The following IGSF21 variants were observed in gnomAD, a reference collection of about 807,000 sequenced individuals.
IGSF21 encodes the protein immunoglobin superfamily member 21.
In IGSF21, 28 loss-of-function variants were observed where a neutral mutation model predicts 46.8. The ratio of observed to expected loss-of-function variants is 0.60; its 90% CI spans 0.44 to 0.82. The LOEUF (loss-of-function observed/expected upper bound fraction) is 0.82, where lower values mean the gene tolerates loss of function less well. Ranked by LOEUF, IGSF21 falls within the 40% of genes least tolerant of loss-of-function variation. The pLI is 0.00. For missense variants in IGSF21, 624 were observed against 665.5 expected, an observed-to-expected ratio of 0.94 and a Z score of 0.69; for synonymous variants, 284 against 273.6, an observed-to-expected ratio of 1.04 and a Z score of -0.38.
chr1:18,116,144 C>G (rs1199634341), intron 1 of IGSF21, among the ~76,000 whole-genome samples: 2 of 152,146 alleles, frequency 1.3e-5, no homozygotes, highest in African/African-American at 4.8e-5. Context: ...ACATCTCTTC[C>G]CAAATCTGAG....
At chr1:18,225,081 T>TCACACACACA (rs1254329422) in intron 1 of IGSF21, among the ~76,000 whole-genome samples, 1 of 31,136 alleles carries the variant, frequency 3.2e-5, no homozygotes, top group African/African-American at 5.8e-5. Flanking sequence ...TCTCTCTCTC[T>TCACACACACA]CTCTCACACA....
At chr1:18,186,648 C>A (rs116741914) in intron 1 of IGSF21, among the ~76,000 whole-genome samples, 1 of 152,166 alleles carries the variant, frequency 6.6e-6, no homozygotes, top group Non-Finnish European at 1.5e-5. Flanking sequence ...CTCATCTGAT[C>A]GTCCCCCAAT....
intron 5 of IGSF21, among the ~76,000 whole-genome samples, chr1:18,364,780 G>T (rs548961823): frequency 2.0e-5 from 3 of 151,884 alleles, no homozygotes; most frequent in Admixed American, 2.0e-4. Context: ...CTTCATCCCC[G>T]GTGCCTTCCA....
At chr1:18,166,488 T>G (rs1194404140) in intron 1 of IGSF21, among the ~76,000 whole-genome samples, 1 of 152,164 alleles carries the variant, frequency 6.6e-6, no homozygotes, top group East Asian at 1.9e-4. Context: ...GAGTCTCTTT[T>G]CTATAAACGA....
intron 1 of IGSF21, among the ~76,000 whole-genome samples, chr1:18,122,193 C>CTTTTTTTTTTTTTTTTTTTTTTT (rs766563472): frequency 1.4e-4 from 11 of 78,758 alleles, no homozygotes; most frequent in East Asian, 9.0e-4. Flanking sequence ...TTCTTTCTTT[C>CTTTTTTTTTTTTTTTTTTTTTTT]TTTTTTTTTT....
chr1:18,161,953 C>T (rs1057331010), intron 1 of IGSF21, among the ~76,000 whole-genome samples: 5 of 152,094 alleles, frequency 3.3e-5, no homozygotes, highest in African/African-American at 1.2e-4. Context: ...ATCATCATAC[C>T]CTTCCTATAG....
intron 2 of IGSF21, among the ~76,000 whole-genome samples, chr1:18,264,273 T>A (rs931342887): frequency 6.6e-6 from 1 of 152,218 alleles, no homozygotes; most frequent in Non-Finnish European, 1.5e-5. Flanking sequence ...CATGCATTTA[T>A]GAACCACTTT....
chr1:18,114,584 A>G (rs12409641), intron 1 of IGSF21: 4 of 152,212 alleles, frequency 2.6e-5, no homozygotes, highest in African/African-American at 9.6e-5. Flanking sequence ...GCAGTTTCTC[A>G]GATAAAGTAG....
In IGSF21 at chr1:18,208,689, G is replaced by A. The variant is rs2084360052; in HGVS notation, c.71-19209G>A. 1.3e-5 allele frequency among the ~76,000 whole-genome samples: 2 copies of A among 151,074 alleles called. 1 individual carries two copies. Among genetic ancestry groups the A allele is most frequent in the Admixed American group, 1.3e-4 (2 of 15,096 alleles). On this transcript the variant is annotated intron_variant, in intron 1 of 9. Transcript: ENST00000251296. ...TGGGATTACAGGCATGAGCCACCGT[G>A]CCCGGCCCAGTCTAGGAATAATATC... is the stretch of plus-strand genomic sequence containing the variant.
chr1:18,203,475 G>A (rs1263869395), intron 1 of IGSF21, among the ~76,000 whole-genome samples: 2 of 152,120 alleles, frequency 1.3e-5, no homozygotes, highest in African/African-American at 4.8e-5. Flanking sequence ...CACCTGGCTA[G>A]GTTTTGTATT....
At chr1:18,142,761 A>C (rs1306583636) in intron 1 of IGSF21, among the ~76,000 whole-genome samples, 4 of 152,198 alleles carry the variant, frequency 2.6e-5, no homozygotes, top group Non-Finnish European at 1.5e-5. Context: ...CTTCCCCCAG[A>C]TGGGTCAGTT....
At chr1:18,271,273 A>T (rs1262126572) in intron 2 of IGSF21, among the ~76,000 whole-genome samples, 1 of 152,162 alleles carries the variant, frequency 6.6e-6, no homozygotes, top group African/African-American at 2.4e-5. Context: ...GATATCTGTC[A>T]TCCCATAACT....
Position 18,122,613 on chromosome 1 carries a change from G to A in IGSF21, c.70+14415G>A, listed in dbSNP as rs572644164. Among the ~76,000 whole-genome samples, 11 of 148,528 alleles carry A rather than the reference G, an allele frequency of 7.4e-5. No homozygotes were observed. In the East Asian group the frequency reaches 2.0e-3, roughly 27 times the overall value. On this transcript the variant is annotated intron_variant, in intron 1 of 9. Coordinates refer to ENST00000251296, the MANE Select transcript of IGSF21 (RefSeq NM_032880.5). ...GTATGGGTTTGTTGTATTGACTGTC[G>A]ATTTTTTTTCTTTTTTTTTTTTTTT... is the stretch of plus-strand genomic sequence containing the variant.
rs188436962 is a variant in IGSF21 at position 18,208,643 on chromosome 1, C to G, written c.71-19255C>G. 6.4e-3 allele frequency among the ~76,000 whole-genome samples: 960 copies of G among 149,986 alleles called. 11 individuals carry two copies. Among genetic ancestry groups the G allele is most frequent in the Middle Eastern group, 0.021 (6 of 292 alleles). ...TGATCTCCTGACCTCGTTATCCGCCCGCCTCGGCCTCCCAAAGTTCTGGGA... is the reference window on the plus strand; with the variant it reads ...TGATCTCCTGACCTCGTTATCCGCCGGCCTCGGCCTCCCAAAGTTCTGGGA... On this transcript the variant is annotated intron_variant, in intron 1 of 9. Transcript: ENST00000251296.
At chr1:18,358,632 A>G (rs772944292) in intron 4 of IGSF21, among the ~76,000 whole-genome samples, 3 of 152,242 alleles carry the variant, frequency 2.0e-5, no homozygotes, top group Non-Finnish European at 4.4e-5. Flanking sequence ...TCAAATAAGA[A>G]TGTTAGTAAA....
chr1:18,280,505 C>A lies in IGSF21; in HGVS notation c.184-11361C>A, dbSNP rs149373544. Among the ~76,000 whole-genome samples, 351 of 152,222 alleles carry A rather than the reference C, an allele frequency of 2.3e-3. 3 individuals are homozygous for A. The highest frequency in any genetic ancestry group is 8.1e-3 in the African/African-American group (337 of 41,512). On this transcript the variant is annotated intron_variant, in intron 2 of 9. Transcript: ENST00000251296. ...ATTATTAGCATTTTACAGCTAACAG[C>A]ACTCAGTTATAGCATGTGTACTATG...
intron 4 of IGSF21, among the ~76,000 whole-genome samples, chr1:18,346,917 G>A (rs2085899832): frequency 1.3e-5 from 2 of 152,190 alleles, no homozygotes; most frequent in South Asian, 4.1e-4. Flanking sequence ...GTCGTCTTGA[G>A]TGCCTGGACC....
chr1:18,332,979 G>A (rs750092456), intron 3 of IGSF21, among the ~76,000 whole-genome samples: 3 of 152,176 alleles, frequency 2.0e-5, no homozygotes, highest in Non-Finnish European at 2.9e-5. Context: ...AGAAAAGAGC[G>A]AAGCTGAGGT....
chr1:18,353,121 C>T (rs946819762), intron 4 of IGSF21, among the ~76,000 whole-genome samples: 2 of 151,958 alleles, frequency 1.3e-5, no homozygotes, highest in African/African-American at 4.8e-5. Flanking sequence ...GATGGCGGCT[C>T]CATTTGGGGG....
Sources: gnomAD v4.1 joint callset for allele counts (sites outside exome capture counted in the v4.1 genomes callset) on GRCh38, gnomAD v4.1.1 for gene constraint, MANE v1.5 for transcripts, NCBI Gene and HGNC (gene_info 2026-07-23, HGNC 2026-07-21) for gene names.